The following NELL2 variants were observed in gnomAD, a reference collection of about 807,000 sequenced individuals.
NELL2 encodes the protein neural EGFL like 2.
NELL2 carries 41 observed loss-of-function variants against 109.6 expected under a neutral mutation model. That is an observed-to-expected ratio of 0.37 (90% CI 0.29 to 0.49). NELL2 has a LOEUF of 0.49. Ranked by LOEUF, NELL2 falls within the 20% of genes least tolerant of loss-of-function variation. The pLI, the probability that NELL2 is intolerant of heterozygous loss-of-function variation, is 0.98. For missense variants in NELL2, 900 were observed against 1,008.3 expected (o/e 0.89, Z 1.45); for synonymous variants, 355 against 344.7 (o/e 1.03, Z -0.33).
intron 3 of NELL2, among the ~76,000 whole-genome samples, chr12:44,786,736 T>C (rs905279102): frequency 2.0e-5 from 3 of 152,110 alleles, no homozygotes; most frequent in Admixed American, 6.5e-5. Context: ...GGGACATGGA[T>C]GAAGCTGGAA....
chr12:44,611,047 G>T, intron 13 of NELL2, 77 bp from the exon 14 acceptor site: 5 of 1,413,386 alleles, frequency 3.5e-6, no homozygotes, highest in Non-Finnish European at 4.9e-6. Flanking sequence ...TTCAGTCTTG[G>T]TTATTGCATG....
intron 15 of NELL2, among the ~76,000 whole-genome samples, chr12:44,568,425 T>C (rs1163921664): frequency 2.0e-5 from 3 of 152,176 alleles, no homozygotes; most frequent in Non-Finnish European, 2.9e-5. Flanking sequence ...ATCATGAAGA[T>C]GAAGCACAAC....
chr12:44,686,961 C>A (rs929201894), intron 12 of NELL2, among the ~76,000 whole-genome samples: 1 of 152,212 alleles, frequency 6.6e-6, no homozygotes, highest in Admixed American at 6.5e-5. Context: ...AGCTTCCCTG[C>A]TGCTTTGTTT....
chr12:44,665,955 C>T (rs777149679), intron 12 of NELL2, among the ~76,000 whole-genome samples: 3 of 152,146 alleles, frequency 2.0e-5, no homozygotes, highest in Admixed American at 6.5e-5. Context: ...ATCACAGAGC[C>T]TGCCACATAT....
intron 16 of NELL2, among the ~76,000 whole-genome samples, chr12:44,528,037 G>T (rs1326448355): frequency 7.3e-6 from 1 of 136,184 alleles, no homozygotes; most frequent in African/African-American, 2.8e-5. Flanking sequence ...GAGCTTGCTT[G>T]CAGTGAGCCG....
chr12:44,522,941 G>T, intron 17 of NELL2: 1 of 226,778 alleles, frequency 4.4e-6, no homozygotes, highest in Non-Finnish European at 8.8e-6. Context: ...AAAAGAAATG[G>T]ATTAGAGATA....
At chr12:44,638,136 A>G (rs954428973) in intron 13 of NELL2, among the ~76,000 whole-genome samples, 1 of 151,964 alleles carries the variant, frequency 6.6e-6, no homozygotes, top group African/African-American at 2.4e-5. Context: ...TAATTTGCAA[A>G]CTCTATTCAT....
At chr12:44,626,697 A>AT (rs967056803) in intron 13 of NELL2, among the ~76,000 whole-genome samples, 5 of 151,224 alleles carry the variant, frequency 3.3e-5, no homozygotes, top group African/African-American at 7.3e-5. Flanking sequence ...TCTCTCACCA[A>AT]TTTTTTTTTA....
At chr12:44,753,282 A>T (rs1940736172) in intron 9 of NELL2, among the ~76,000 whole-genome samples, 1 of 152,168 alleles carries the variant, frequency 6.6e-6, no homozygotes, top group Non-Finnish European at 1.5e-5. Context: ...CTCAGAGGGT[A>T]AGCTCTACGC....
chr12:44,560,915 G>A (rs1017634599), intron 15 of NELL2, among the ~76,000 whole-genome samples: 3 of 152,098 alleles, frequency 2.0e-5, no homozygotes, highest in Non-Finnish European at 4.4e-5. Context: ...AGTGAACCCG[G>A]ATGCAAAAAT....
intron 16 of NELL2, among the ~76,000 whole-genome samples, chr12:44,532,087 T>G (rs1565882253): frequency 2.0e-5 from 3 of 152,172 alleles, no homozygotes; most frequent in Non-Finnish European, 4.4e-5. Flanking sequence ...ATATCTTATG[T>G]ATCCAACATT....
intron 13 of NELL2, among the ~76,000 whole-genome samples, chr12:44,634,854 T>C (rs746033266): frequency 6.6e-6 from 1 of 152,110 alleles, no homozygotes; most frequent in Non-Finnish European, 1.5e-5. Context: ...GGAGTACTTA[T>C]GGGTGAGAAC....
chr12:44,532,747 A>C, intron 15 of NELL2, 26 bp from the exon 16 acceptor site: 1 of 1,594,182 alleles, frequency 6.3e-7, no homozygotes, highest in Non-Finnish European at 8.6e-7. Context: ...GGATTTTATA[A>C]AATTATTTAT....
chr12:44,792,756 C>T lies in NELL2; in HGVS notation c.336-12734G>A, dbSNP rs193274285. 3.0e-3 allele frequency among the ~76,000 whole-genome samples: 449 copies of T among 152,196 alleles called. 3 individuals carry two copies. Among genetic ancestry groups the T allele is most frequent in the African/African-American group, 9.8e-3 (408 of 41,550 alleles). ...GTCAATCATAATGTGGGGAAATATG[C>T]ACTCTGATACATGATTTGCAGCAAC... On this transcript the variant is annotated intron_variant, in intron 3 of 19. Coordinates refer to ENST00000429094, the MANE Select transcript of NELL2 (RefSeq NM_001145108.2).
intron 11 of NELL2, among the ~76,000 whole-genome samples, chr12:44,705,422 T>C (rs1380912329): frequency 6.6e-6 from 1 of 152,196 alleles, no homozygotes; most frequent in African/African-American, 2.4e-5. Context: ...CTTGGCAACG[T>C]AGCTTCTTTT....
intron 15 of NELL2, among the ~76,000 whole-genome samples, chr12:44,599,302 AT>A: frequency 6.6e-6 from 1 of 152,286 alleles, no homozygotes; most frequent in East Asian, 1.9e-4. Flanking sequence ...AATGCTGTAA[AT>A]TTTATAATAT....
rs1211456091 is a variant in NELL2, at chr12:44,508,710, A to T, written c.*224T>A. The T allele has an allele frequency of 1.8e-6, 1 of 544,434 alleles. No homozygotes were observed. Among genetic ancestry groups the T allele is most frequent in the African/African-American group, 1.9e-5 (1 of 52,026 alleles). The allele number at this position is 544,434 out of a possible 1,614,324, so 33.7% of individuals were successfully genotyped here. ...TGTACGCCCATTCTTCTACATGGTG[A>T]TGTGAGACACAGTAGAGGCAGACTT... On this transcript the variant is annotated 3_prime_UTR_variant, in exon 20 of 20. Coordinates refer to ENST00000429094, the MANE Select transcript of NELL2 (RefSeq NM_001145108.2).
At chr12:44,678,012 A>C (rs903306690) in intron 12 of NELL2, among the ~76,000 whole-genome samples, 1 of 152,120 alleles carries the variant, frequency 6.6e-6, no homozygotes, top group Admixed American at 6.6e-5. Flanking sequence ...TCATAGGCAC[A>C]AAGAATGTAA....
intron 3 of NELL2, among the ~76,000 whole-genome samples, chr12:44,794,447 T>C (rs1449819449): frequency 5.3e-5 from 8 of 152,168 alleles, no homozygotes; most frequent in Non-Finnish European, 1.2e-4. Flanking sequence ...CAGAATCTGA[T>C]GCAGCGCAGC....
Sources: allele counts gnomAD v4.1 joint callset (sites outside exome capture counted in the v4.1 genomes callset), GRCh38; gene constraint gnomAD v4.1.1; transcripts MANE v1.5; gene names NCBI Gene and HGNC (gene_info 2026-07-23, HGNC 2026-07-21).